CD36: variants seen among roughly 807,000 people sequenced by gnomAD.
CD36 encodes CD36 molecule (CD36 blood group).
CD36 carries 119 observed loss-of-function variants against 55.2 expected under a neutral mutation model. The observed-to-expected ratio is 2.15, with a 90% CI of 1.86 to 2.51. The LOEUF (loss-of-function observed/expected upper bound fraction) is 2.51. Among genes scored for constraint, CD36 ranks in the 30% most tolerant of loss-of-function variants. The probability of loss-of-function intolerance (pLI) is 0.00; values close to 1 mark genes in which losing one functional copy is unlikely to be tolerated. For synonymous variants in CD36, 186 were observed against 193.6 expected, an observed-to-expected ratio of 0.96 and a Z score of 0.33; for missense variants, 819 against 555.5, an observed-to-expected ratio of 1.47 and a Z score of -4.77.
At chr7:80,657,278 C>T (rs1413013585) in intron 4 of CD36, among the ~76,000 whole-genome samples, 3 of 151,644 alleles carry the variant, frequency 2.0e-5, no homozygotes, top group African/African-American at 7.3e-5. Context: ...GATTTGAATA[C>T]ACAATTTTGA....
chr7:80,651,803 T>C (rs1482161355), intron 3 of CD36, among the ~76,000 whole-genome samples: 1 of 152,048 alleles, frequency 6.6e-6, no homozygotes, highest in Non-Finnish European at 1.5e-5. Context: ...CTAGCTTTTG[T>C]GGGGCTGAAG....
At chr7:80,606,100 T>C (rs1792534548) in intron 1 of CD36, among the ~76,000 whole-genome samples, 1 of 152,240 alleles carries the variant, frequency 6.6e-6, no homozygotes, top group South Asian at 2.1e-4. Context: ...AAATATTGTC[T>C]AAATATTTCC....
chr7:80,640,643 C>A (rs767426988), intron 1 of CD36, among the ~76,000 whole-genome samples: 4 of 152,024 alleles, frequency 2.6e-5, no homozygotes, highest in Non-Finnish European at 5.9e-5. Context: ...CATTAGCATT[C>A]TTGTCTAAGG....
chr7:80,616,178 C>T (rs758108898), intron 1 of CD36, among the ~76,000 whole-genome samples: 4 of 152,052 alleles, frequency 2.6e-5, no homozygotes, highest in African/African-American at 4.8e-5. Flanking sequence ...GCATTTAATA[C>T]ATCTAATCTA....
chr7:80,650,150 G>A lies in CD36; in HGVS notation c.120+3290G>A, dbSNP rs189369535. ...AAACTCAAGGAGGTGGTACAACAGAGACTCATAAAAACTGTCAAATGACAG... is the reference window on the plus strand; with the variant it reads ...AAACTCAAGGAGGTGGTACAACAGAAACTCATAAAAACTGTCAAATGACAG... On this transcript the variant is annotated intron_variant, in intron 3 of 14. Transcript: ENST00000447544. 1.7e-4 allele frequency among the ~76,000 whole-genome samples: 26 copies of A among 152,048 alleles called. No individual in the cohort carries two copies. In the East Asian group the frequency reaches 3.5e-3, roughly 20 times the overall value.
chr7:80,616,978 A>G (rs1793200352), intron 1 of CD36, among the ~76,000 whole-genome samples: 1 of 152,160 alleles, frequency 6.6e-6, no homozygotes, highest in Admixed American at 6.5e-5. Flanking sequence ...CTTGCTATAC[A>G]TCTCATTATC....
intron 1 of CD36, among the ~76,000 whole-genome samples, chr7:80,610,694 C>T (rs1049823178): frequency 6.6e-6 from 1 of 152,080 alleles, no homozygotes; most frequent in African/African-American, 2.4e-5. Context: ...CCTGCCTCAG[C>T]CTCCCCAGTA....
Position 80,663,725 on chromosome 7 carries a change from G to C in CD36, c.609+556G>C, listed in dbSNP as rs17154232. On this transcript the variant is annotated intron_variant, in intron 6 of 14. Transcript: ENST00000447544. ...TGAAGATTAAGGAAAATGTGAACTT[G>C]ATGGTGTACTTGATTACCGCTTAAT... 7.7e-3 allele frequency among the ~76,000 whole-genome samples: 1,178 copies of C among 152,274 alleles called. 47 individuals carry two copies. The East Asian group carries it at 0.088, about 11-fold the overall frequency.
At chr7:80,645,291 A>T (rs1795081810) in intron 1 of CD36, among the ~76,000 whole-genome samples, 1 of 151,158 alleles carries the variant, frequency 6.6e-6, no homozygotes, top group Admixed American at 6.6e-5. Context: ...AAGTGCTAGG[A>T]TGACAGGTGT....
intron 8 of CD36, among the ~76,000 whole-genome samples, chr7:80,667,742 C>CTTT (rs1554344704): frequency 3.2e-5 from 3 of 92,940 alleles, no homozygotes; most frequent in African/African-American, 1.2e-4. Context: ...CAGGGGTTTT[C>CTTT]TTTTGTTTTT....
At chr7:80,643,323 A>G (rs1008345016) in intron 1 of CD36, among the ~76,000 whole-genome samples, 1 of 152,172 alleles carries the variant, frequency 6.6e-6, no homozygotes, top group African/African-American at 2.4e-5. Context: ...ATTTTAAATC[A>G]TTTTGTATCA....
intron 1 of CD36, among the ~76,000 whole-genome samples, chr7:80,614,696 T>C (rs1793050786): frequency 6.6e-6 from 1 of 152,142 alleles, no homozygotes; most frequent in Non-Finnish European, 1.5e-5. Flanking sequence ...TCTGAGTTCC[T>C]GACCCCAATT....
chr7:80,673,921 T>G, intron 13 of CD36, 62 bp from the exon 14 acceptor site: 1 of 1,250,238 alleles, frequency 8.0e-7, no homozygotes, highest in Non-Finnish European at 1.2e-6. Context: ...GATAGGCAAT[T>G]GAAGGGTTTA....
rs184194436 is a variant in CD36, at chr7:80,642,277, A to C, written c.-184+3531A>C. Among the ~76,000 whole-genome samples, 211 of 152,304 alleles carry C rather than the reference A, an allele frequency of 1.4e-3. 2 individuals carry two copies. Among genetic ancestry groups the C allele is most frequent in the Non-Finnish European group, 6.6e-4 (45 of 68,014 alleles). On this transcript the variant is annotated intron_variant, in intron 1 of 14. Transcript: ENST00000447544. ...AAGGACAAGTAACAATTAGTAAAGA[A>C]TAAAATTTAATCTACAATTAGCAAA...
chr7:80,673,715 C>T (rs1490024130), intron 13 of CD36: 1 of 559,980 alleles, frequency 1.8e-6, no homozygotes, highest in African/African-American at 1.9e-5. Context: ...ATAGGAAAAA[C>T]ATTGAATAAG....
Position 80,672,801 on chromosome 7 carries a change from G to A in CD36, c.1157G>A (p.Arg386Gln), listed in dbSNP as rs187500047. 3.1e-5 allele frequency: 50 copies of A among 1,610,660 alleles called. No homozygotes were observed. The highest frequency in any genetic ancestry group is 3.4e-4 in the Middle Eastern group (2 of 5,846). Residue 386 changes from arginine (R) to glutamine (Q), a missense_variant, in exon 12 of 15, where the codon CGG becomes CAG. By Grantham distance (43) the Arg-to-Gln change is conservative. Transcript: ENST00000447544. The stretch of plus-strand genomic sequence containing the variant: ...GGATTCACTTTACAATTTGCAAAAC[G>A]GCTGCAGGTCAACCTATTGGTCAAG... ...ITGFTLQFAK[R>Q]LQVNLLVKPS...
chr7:80,663,265 C>A, intron 6 of CD36, 96 bp downstream of exon 6: 1 of 1,044,172 alleles, frequency 9.6e-7, no homozygotes, highest in Non-Finnish European at 1.5e-6. Context: ...GCTCATTAGT[C>A]TTATTGCTGA....
In CD36 at chr7:80,671,958, A is replaced by G. The variant is rs41478146; in HGVS notation, c.1043A>G (p.Tyr348Cys). 6.8e-6 allele frequency: 11 copies of G among 1,611,110 alleles called. No individual in the cohort carries two copies. In the Admixed American group the frequency reaches 1.7e-4, roughly 24 times the overall value. ...PVYISLPHFL[Y>C]ASPDVSEPID... ...TACATTTCACTTCCTCATTTTCTGT[A>G]TGCAAGTCCTGATGTTTCAGAACCT... The change falls in exon 11 of 15, where the codon TAT becomes TGT. Residue 348 changes from tyrosine to cysteine, a missense_variant. Transcript: ENST00000447544.
intron 8 of CD36, among the ~76,000 whole-genome samples, chr7:80,668,952 A>C (rs1797387140): frequency 6.6e-6 from 1 of 152,226 alleles, no homozygotes; most frequent in African/African-American, 2.4e-5. Context: ...GCTGTAGCAA[A>C]AAGTAAATTC....
Sources: allele counts gnomAD v4.1 joint callset (sites outside exome capture counted in the v4.1 genomes callset), GRCh38; gene constraint gnomAD v4.1.1; transcripts MANE v1.5; gene names NCBI Gene and HGNC (gene_info 2026-07-23, HGNC 2026-07-21).